Variants in CHRM3 observed in about 807,000 individuals in gnomAD.
The protein encoded by CHRM3 is cholinergic receptor muscarinic 3.
CHRM3 carries 11 observed loss-of-function variants against 41.8 expected under a neutral mutation model. That is an observed-to-expected ratio of 0.26 (90% CI 0.17 to 0.44). The LOEUF is 0.44. Ranked by LOEUF, CHRM3 falls within the 20% of genes least tolerant of loss-of-function variation. The probability of loss-of-function intolerance (pLI) is 1.00; values close to 1 mark genes in which losing one functional copy is unlikely to be tolerated. For missense variants in CHRM3, 571 were observed against 745.4 expected, an observed-to-expected ratio of 0.77 and a Z score of 2.72; for synonymous variants, 297 against 301.4, an observed-to-expected ratio of 0.99 and a Z score of 0.15.
intron 6 of CHRM3, among the ~76,000 whole-genome samples, chr1:239,893,484 GT>G (rs1678716208): frequency 6.6e-6 from 1 of 152,188 alleles, no homozygotes; most frequent in Non-Finnish European, 1.5e-5. Flanking sequence ...AGTTAGCCGT[GT>G]GACTTGGGAC....
chr1:239,740,426 C>T (rs189251402), intron 5 of CHRM3, among the ~76,000 whole-genome samples: 50 of 151,308 alleles, frequency 3.3e-4, no homozygotes, highest in African/African-American at 1.2e-3. Flanking sequence ...TCTGAGGTAC[C>T]ACTGACTACC....
intron 1 of CHRM3, among the ~76,000 whole-genome samples, chr1:239,467,621 G>C (rs553987159): frequency 6.6e-6 from 1 of 152,194 alleles, no homozygotes; most frequent in East Asian, 1.9e-4. Context: ...TTAAGCAAGT[G>C]ATACACAGAT....
At chr1:239,759,923 TA>T (rs1260320655) in intron 5 of CHRM3, among the ~76,000 whole-genome samples, 1 of 152,146 alleles carries the variant, frequency 6.6e-6, no homozygotes, top group Non-Finnish European at 1.5e-5. Flanking sequence ...TTTATTTATT[TA>T]TTTTTTTTGA....
At chr1:239,398,485 C>G (rs1029796529) in intron 1 of CHRM3, among the ~76,000 whole-genome samples, 1 of 151,884 alleles carries the variant, frequency 6.6e-6, no homozygotes, top group African/African-American at 2.4e-5. Flanking sequence ...ATCTGCCCGC[C>G]TCGGCCTCCC....
At chr1:239,902,913 A>G (rs1207333541) in intron 6 of CHRM3, among the ~76,000 whole-genome samples, 1 of 152,220 alleles carries the variant, frequency 6.6e-6, no homozygotes, top group African/African-American at 2.4e-5. Flanking sequence ...CATGACAGAA[A>G]AGGACTGGAA....
At chr1:239,774,232 G>A (rs774376249) in intron 5 of CHRM3, among the ~76,000 whole-genome samples, 16 of 152,042 alleles carry the variant, frequency 1.1e-4, no homozygotes, top group South Asian at 4.1e-4. Context: ...CTTGAGTTTC[G>A]GTCTCTATTC....
intron 4 of CHRM3, among the ~76,000 whole-genome samples, chr1:239,640,808 C>T (rs1315713261): frequency 6.7e-6 from 1 of 149,102 alleles, no homozygotes; most frequent in African/African-American, 2.5e-5. Flanking sequence ...CTTCTGCTAG[C>T]TTTTGAATGT....
rs1680058941 is a variant in CHRM3 at position 239,907,455 on chromosome 1, A to G, written c.4A>G (p.Thr2Ala). 6.2e-7 allele frequency: 1 copy of G among 1,612,346 alleles called. No individual in the cohort carries two copies. Among genetic ancestry groups the G allele is most frequent in the African/African-American group, 1.3e-5 (1 of 74,998 alleles). ...CAGACTATGTCAGAGAGTCACAATGACCTTGCACAATAACAGTACAACCTC... is the reference window on the plus strand; with the variant it reads ...CAGACTATGTCAGAGAGTCACAATGGCCTTGCACAATAACAGTACAACCTC... The part of the protein sequence containing the change: M[T>A]LHNNSTTSPL... Residue 2 changes from threonine to alanine, a missense_variant, in exon 7 of 7, where the codon ACC (threonine) becomes GCC (alanine). Physicochemically the swap from Thr to Ala is moderately conservative, Grantham distance 58. Around this residue, in one of 5 missense-constraint regions of CHRM3, gnomAD observed 92 missense variants for 76.1 expected, o/e 1.21. Transcript: ENST00000676153. This position sits in a 1 kb window ranked among gnomAD's most constrained non-coding sequence, Gnocchi z 5.4.
chr1:239,496,331 G>C (rs954392160), intron 2 of CHRM3, among the ~76,000 whole-genome samples: 1 of 151,932 alleles, frequency 6.6e-6, no homozygotes, highest in Admixed American at 6.6e-5. Flanking sequence ...TCCTATACTT[G>C]CCAGTTTTAT....
intron 4 of CHRM3, among the ~76,000 whole-genome samples, chr1:239,646,744 C>G (rs894975919): frequency 6.6e-6 from 1 of 151,860 alleles, no homozygotes; most frequent in South Asian, 2.1e-4. Context: ...GCAGACAAGG[C>G]CAGAATGAGA....
intron 1 of CHRM3, among the ~76,000 whole-genome samples, chr1:239,477,237 CA>C (rs1666527662): frequency 6.6e-6 from 1 of 152,092 alleles, no homozygotes; most frequent in Admixed American, 6.6e-5. Flanking sequence ...CCTGAGTTTT[CA>C]ATTCTAAAAT....
chr1:239,435,822 GC>G (rs1663217819), intron 1 of CHRM3, among the ~76,000 whole-genome samples: 1 of 151,836 alleles, frequency 6.6e-6, no homozygotes, highest in South Asian at 2.1e-4. Context: ...GTGATATTTT[GC>G]ACTATTGGGC....
intron 3 of CHRM3, among the ~76,000 whole-genome samples, chr1:239,597,423 T>G (rs2148667382): frequency 6.6e-6 from 1 of 152,324 alleles, no homozygotes; most frequent in South Asian, 2.1e-4. Flanking sequence ...TTGAAAGGTC[T>G]TGTCCAAGTT....
intron 1 of CHRM3, among the ~76,000 whole-genome samples, chr1:239,393,471 T>A (rs1659220612): frequency 6.6e-6 from 1 of 152,192 alleles, no homozygotes; most frequent in African/African-American, 2.4e-5. Flanking sequence ...ACATGCCCGA[T>A]AACACATGCC....
chr1:239,451,395 G>A (rs1355375287), intron 1 of CHRM3, among the ~76,000 whole-genome samples: 2 of 152,136 alleles, frequency 1.3e-5, no homozygotes, highest in Non-Finnish European at 2.9e-5. Context: ...GATGGATCAG[G>A]TCAAGAATAT....
At chr1:239,569,274 T>C (rs1014186660) in intron 3 of CHRM3, among the ~76,000 whole-genome samples, 14 of 152,166 alleles carry the variant, frequency 9.2e-5, no homozygotes, top group African/African-American at 3.4e-4. Flanking sequence ...TGGTAAATGG[T>C]GTTTAGTATG....
At chr1:239,792,303 G>A (rs1669415052) in intron 5 of CHRM3, among the ~76,000 whole-genome samples, 1 of 152,206 alleles carries the variant, frequency 6.6e-6, no homozygotes, top group Admixed American at 6.5e-5. Flanking sequence ...GACAAGACAT[G>A]AAGATCTCAC....
chr1:239,882,625 C>A (rs967071195), intron 6 of CHRM3, among the ~76,000 whole-genome samples: 1 of 152,120 alleles, frequency 6.6e-6, no homozygotes, highest in Non-Finnish European at 1.5e-5. Flanking sequence ...GTGAATGGCA[C>A]AATTGCTAAC....
rs547877799 is a variant in CHRM3, at chr1:239,387,780, C to A, written c.-521+553C>A. ...GGGGCCGCAAGTTCGGATTGCATTTCAGGGGGCGAGAAGGCAAATTTGGCA... is the reference window on the plus strand; with the variant it reads ...GGGGCCGCAAGTTCGGATTGCATTTAAGGGGGCGAGAAGGCAAATTTGGCA... On this transcript the variant is annotated intron_variant, in intron 1 of 6. Coordinates refer to ENST00000676153, the MANE Select transcript of CHRM3 (RefSeq NM_001375978.1). This position sits in a 1 kb window ranked among gnomAD's most constrained non-coding sequence, Gnocchi z 5.1. Among the ~76,000 whole-genome samples the A allele has an allele frequency of 3.5e-4, 54 of 152,288 alleles. No individual in the cohort carries two copies. The highest frequency in any genetic ancestry group is 3.0e-3 in the Admixed American group (46 of 15,304).
Sources: allele counts gnomAD v4.1 joint callset (sites outside exome capture counted in the v4.1 genomes callset), GRCh38; gene constraint gnomAD v4.1.1; regional missense constraint gnomAD v4.1.1; non-coding constraint Gnocchi (gnomAD v3.1); transcripts MANE v1.5; gene names NCBI Gene and HGNC (gene_info 2026-07-23, HGNC 2026-07-21).